Variants in RGL1 observed in about 807,000 individuals in gnomAD.
RGL1 encodes the protein ral guanine nucleotide dissociation stimulator-like 1.
A neutral mutation model predicts 95.2 loss-of-function variants in RGL1; 24 were observed. That is an observed-to-expected ratio of 0.25 (90% CI 0.18 to 0.35). RGL1 has a LOEUF of 0.35. RGL1 is among the 10% of genes least tolerant of loss of function. The pLI, the probability that RGL1 is intolerant of heterozygous loss-of-function variation, is 1.00. For missense variants in RGL1, 715 were observed against 936.3 expected, an observed-to-expected ratio of 0.76 and a Z score of 3.08; for synonymous variants, 329 against 344.9, an observed-to-expected ratio of 0.95 and a Z score of 0.51.
intron 14 of RGL1, among the ~76,000 whole-genome samples, chr1:183,909,080 C>G (rs1668500201): frequency 6.6e-6 from 1 of 152,196 alleles, no homozygotes; most frequent in African/African-American, 2.4e-5. Context: ...ACATCTCTTA[C>G]TAGTAAAATC....
intron 2 of RGL1, among the ~76,000 whole-genome samples, chr1:183,780,729 T>C (rs1659859619): frequency 6.6e-6 from 1 of 152,348 alleles, no homozygotes; most frequent in South Asian, 2.1e-4. Context: ...GTGGACTCTT[T>C]TGAGTCTCAG....
intron 1 of RGL1, among the ~76,000 whole-genome samples, chr1:183,694,380 G>T (rs867902173): frequency 1.1e-4 from 16 of 152,132 alleles, no homozygotes; most frequent in Non-Finnish European, 2.2e-4. Flanking sequence ...TTAGTTTGAA[G>T]TTCTTGACCC....
intron 3 of RGL1, among the ~76,000 whole-genome samples, chr1:183,864,533 C>G (rs1665707268): frequency 1.3e-5 from 2 of 152,336 alleles, no homozygotes; most frequent in South Asian, 4.1e-4. Context: ...AAGTATAGAG[C>G]TGAAAAATCT....
intron 2 of RGL1, 85 bp downstream of exon 2, chr1:183,806,570 CTT>C (rs368701909): frequency 1.2e-3 from 847 of 731,466 alleles, no homozygotes; most frequent in South Asian, 1.6e-3. Context: ...CAGAGGCAGG[CTT>C]TTTTTTTTTT....
intron 15 of RGL1, among the ~76,000 whole-genome samples, chr1:183,914,150 G>A (rs1239074622): frequency 3.9e-5 from 6 of 152,116 alleles, no homozygotes; most frequent in African/African-American, 1.4e-4. Context: ...ACATTATTGT[G>A]GGATTTCTCC....
chr1:183,885,311 C>T (rs1385840585), intron 7 of RGL1, among the ~76,000 whole-genome samples: 1 of 152,208 alleles, frequency 6.6e-6, no homozygotes, highest in African/African-American at 2.4e-5. Context: ...TCAAAACAGA[C>T]TGCCCTTCAA....
chr1:183,846,200 A>C (rs992811357), intron 2 of RGL1, among the ~76,000 whole-genome samples: 1 of 152,236 alleles, frequency 6.6e-6, no homozygotes, highest in East Asian at 1.9e-4. Context: ...ACACCATGGA[A>C]TACTGTGCAG....
chr1:183,846,021 G>A (rs919974987), intron 2 of RGL1, among the ~76,000 whole-genome samples: 1 of 152,104 alleles, frequency 6.6e-6, no homozygotes, highest in Non-Finnish European at 1.5e-5. Context: ...AACACCCTTT[G>A]TCCCAACAAT....
rs141483009 is a variant in RGL1 at position 183,680,105 on chromosome 1, T to A, written c.-33+43604T>A. On this transcript the variant is annotated intron_variant, in intron 1 of 18. Transcript: ENST00000304685. ...TAAATTTGTTTACTTCCTTGTACAT[T>A]CTGGATAGTAGCCCTTTATCAGATG... Among the ~76,000 whole-genome samples the A allele has an allele frequency of 8.8e-4, 134 of 152,344 alleles. 3 individuals carry two copies. In the East Asian group the frequency reaches 0.025, roughly 28 times the overall value.
At chr1:183,892,299 T>C (rs762918851) in intron 9 of RGL1, 138 bp downstream of exon 9, 1 of 594,250 alleles carries the variant, frequency 1.7e-6, no homozygotes, top group East Asian at 2.8e-5. Context: ...AAAATTTTTT[T>C]AAATGCAGAA....
At chr1:183,852,728 G>A (rs1337586010) in intron 3 of RGL1, among the ~76,000 whole-genome samples, 3 of 152,114 alleles carry the variant, frequency 2.0e-5, no homozygotes, top group African/African-American at 4.8e-5. Flanking sequence ...CGGGAGAATC[G>A]CTTGAACCTG....
intron 2 of RGL1, among the ~76,000 whole-genome samples, chr1:183,758,731 C>G (rs1450928702): frequency 6.6e-6 from 1 of 152,108 alleles, no homozygotes; most frequent in East Asian, 1.9e-4. Context: ...AGCTCTGCCT[C>G]CTAATATCAT....
chr1:183,653,161 G>A (rs1650893982), intron 1 of RGL1: 1 of 152,180 alleles, frequency 6.6e-6, no homozygotes. Context: ...CCCATGCCCT[G>A]TTTCAAGTAG....
At chr1:183,905,559 G>C (rs141099202) in intron 13 of RGL1, among the ~76,000 whole-genome samples, 1 of 152,298 alleles carries the variant, frequency 6.6e-6, no homozygotes, top group African/African-American at 2.4e-5. Flanking sequence ...TCCAGACCGA[G>C]AGAGAACACA....
intron 2 of RGL1, among the ~76,000 whole-genome samples, chr1:183,757,452 T>G (rs1658410139): frequency 6.6e-6 from 1 of 152,196 alleles, no homozygotes; most frequent in African/African-American, 2.4e-5. Context: ...GGGTCCTTCT[T>G]TATGATTCTG....
At position 183,819,493 on chromosome 1, in the gene RGL1, A is replaced by G. The variant is rs1447425297; in HGVS notation, c.138+13008A>G. On this transcript the variant is annotated intron_variant, in intron 2 of 17. Transcript: ENST00000360851. ...ACTTTTCTTTATTCTGTGGTTTTAC[A>G]TTCTTAAGTTTGAAATTTTCACTTT... Among the ~76,000 whole-genome samples the G allele has an allele frequency of 2.0e-5, 3 of 152,134 alleles. No individual in the cohort carries two copies. The East Asian group carries it at 5.8e-4, about 29-fold the overall frequency.
chr1:183,869,397 T>A (rs552041243), intron 4 of RGL1, among the ~76,000 whole-genome samples: 1 of 152,244 alleles, frequency 6.6e-6, no homozygotes, highest in Admixed American at 6.5e-5. Context: ...GAGGGGTCCA[T>A]CCTCTGGGGA....
intron 1 of RGL1, among the ~76,000 whole-genome samples, chr1:183,661,752 A>G (rs1651646027): frequency 6.6e-6 from 1 of 150,928 alleles, no homozygotes; most frequent in Non-Finnish European, 1.5e-5. Flanking sequence ...GAAGAGACAC[A>G]ACCAAAAAAG....
chr1:183,697,445 A>G (rs539774526), intron 1 of RGL1, among the ~76,000 whole-genome samples: 2 of 152,176 alleles, frequency 1.3e-5, no homozygotes, highest in Non-Finnish European at 2.9e-5. Flanking sequence ...CATCTTGTCC[A>G]CTACTATATG....
Sources: gnomAD v4.1 joint callset for allele counts (sites outside exome capture counted in the v4.1 genomes callset) on GRCh38, gnomAD v4.1.1 for gene constraint, MANE v1.5 for transcripts, NCBI Gene and HGNC (gene_info 2026-07-23, HGNC 2026-07-21) for gene names.